The following ZSCAN1 variants were observed in gnomAD, a reference collection of about 807,000 sequenced individuals.
ZSCAN1 encodes the protein zinc finger and SCAN domain containing 1.
ZSCAN1 carries 23 observed loss-of-function variants against 23.8 expected under a neutral mutation model. The ratio of observed to expected loss-of-function variants is 0.97; its 90% CI spans 0.70 to 1.37. The LOEUF is 1.37. ZSCAN1 is among the 40% of genes most tolerant of loss of function. ZSCAN1 has a pLI of 0.00. For synonymous variants in ZSCAN1, 236 were observed against 232.3 expected (o/e 1.02, Z -0.15); for missense variants, 575 against 554.0 (o/e 1.04, Z -0.38).
rs867384405 is a variant in ZSCAN1 at position 58,053,857 on chromosome 19, G to A, written c.1033G>A (p.Glu345Lys). Reference sequence around the variant, plus strand: ...TGAGCATGGCAAGATCCACCTGCTGGAGCCACCGAGGAAGAAAGCCCCCCG... The same window carrying A: ...TGAGCATGGCAAGATCCACCTGCTGAAGCCACCGAGGAAGAAAGCCCCCCG... ...LTEHGKIHLL[E>K]PPRKKAPRSK... Residue 345 changes from glutamate to lysine, a missense_variant, in exon 6 of 6, where the codon GAG becomes AAG. Transcript: ENST00000282326. The surrounding 1 kb of genome is among the most constrained non-coding windows in gnomAD (Gnocchi z 5.8). The A allele has an allele frequency of 1.9e-6, 3 of 1,613,848 alleles. No homozygotes were observed. Among genetic ancestry groups the A allele is most frequent in the Middle Eastern group, 1.7e-4 (1 of 6,060 alleles).
At chr19:58,052,379 C>A in intron 4 of ZSCAN1, 111 bp from the exon 5 acceptor site, 1 of 1,555,690 alleles carries the variant, frequency 6.4e-7, no homozygotes. Flanking sequence ...CCGCGCACTG[C>A]CCTGGGACAG....
At chr19:58,050,011 G>T (rs574049879) in intron 4 of ZSCAN1, among the ~76,000 whole-genome samples, 43 of 151,908 alleles carry the variant, frequency 2.8e-4, no homozygotes, top group Non-Finnish European at 1.5e-4. Flanking sequence ...TAGTTGATTT[G>T]TGTGTGGGTA....
In ZSCAN1 at chr19:58,045,753, C is replaced by T; in HGVS notation, c.465+5209C>T. ...GCGTCAGGGAAAACCACCTGAGGGG[C>T]CAGCTGAAGCAGTGGCTGGACCTGC... On this transcript the variant is annotated intron_variant, in intron 4 of 5. Transcript: ENST00000282326. The surrounding 1 kb of genome is among the most constrained non-coding windows in gnomAD (Gnocchi z 4.3). 2 of 1,436,270 alleles carry T rather than the reference C, an allele frequency of 1.4e-6. No homozygotes were observed. The highest frequency in any genetic ancestry group is 2.0e-6 in the Non-Finnish European group (2 of 1,019,062). 89.0% of individuals were successfully genotyped at this position (1,436,270 alleles called of 1,614,324 possible). A position where few individuals can be genotyped will look rare whatever the true frequency, so the allele number is the denominator to read the frequency against.
chr19:58,039,274 T>C (rs1398910598), intron 3 of ZSCAN1, among the ~76,000 whole-genome samples: 1 of 152,208 alleles, frequency 6.6e-6, no homozygotes. Flanking sequence ...CACTGGCTTC[T>C]GGCGCTCTGT....
chr19:58,051,143 A>C (rs928971897), intron 4 of ZSCAN1, among the ~76,000 whole-genome samples: 2 of 151,946 alleles, frequency 1.3e-5, no homozygotes, highest in Non-Finnish European at 2.9e-5. Flanking sequence ...CATACATGCC[A>C]CCCACTCTTC....
chr19:58,042,071 C>T (rs1407662268), intron 4 of ZSCAN1, among the ~76,000 whole-genome samples: 1 of 152,142 alleles, frequency 6.6e-6, no homozygotes, highest in Non-Finnish European at 1.5e-5. Context: ...CCAGTATAGG[C>T]ACACCAGGGC....
intron 4 of ZSCAN1, among the ~76,000 whole-genome samples, chr19:58,041,955 G>T (rs369951898): frequency 2.0e-5 from 3 of 152,328 alleles, no homozygotes; most frequent in South Asian, 4.1e-4. Flanking sequence ...CGGATCACAA[G>T]TTCAGGAGTT....
At chr19:58,043,809 C>G (rs1046897521) in intron 4 of ZSCAN1, among the ~76,000 whole-genome samples, 31 of 152,104 alleles carry the variant, frequency 2.0e-4, no homozygotes. Flanking sequence ...ATTACCGCAC[C>G]GGCTAATTTT....
In ZSCAN1 at chr19:58,040,713, C is replaced by G. The variant is rs1294247418; in HGVS notation, c.465+169C>G. On this transcript the variant is annotated intron_variant, in intron 4 of 5. Coordinates refer to ENST00000282326, the MANE Select transcript of ZSCAN1 (RefSeq NM_182572.4). The surrounding 1 kb of genome is among the most constrained non-coding windows in gnomAD (Gnocchi z 5.8). ...CTGCCCCACAGATTCCCCAAGCTTCCTGGGGCTCAGTGCTGGGCGAGGGCA... is the reference window on the plus strand; with the variant it reads ...CTGCCCCACAGATTCCCCAAGCTTCGTGGGGCTCAGTGCTGGGCGAGGGCA... Among the ~76,000 whole-genome samples, 1 of 152,238 alleles carries G rather than the reference C, an allele frequency of 6.6e-6. No homozygotes were observed. Among genetic ancestry groups the G allele is most frequent in the African/African-American group, 2.4e-5 (1 of 41,460 alleles).
At chr19:58,041,155 C>T (rs1217798398) in intron 4 of ZSCAN1, among the ~76,000 whole-genome samples, 1 of 152,258 alleles carries the variant, frequency 6.6e-6, no homozygotes, top group Non-Finnish European at 1.5e-5. Flanking sequence ...ATGATCAGGG[C>T]TACTGAGTTT....
At position 58,045,197 on chromosome 19, in the gene ZSCAN1, C is replaced by G. The variant is rs992918587; in HGVS notation, c.465+4653C>G. 24 of 886,358 alleles carry G rather than the reference C, an allele frequency of 2.7e-5. No homozygotes were observed. Among genetic ancestry groups the G allele is most frequent in the African/African-American group, 2.3e-4 (14 of 60,920 alleles). The allele number at this position is 886,358 out of a possible 1,614,324, so 54.9% of individuals were successfully genotyped here. ...GCAGGCAGTTGCTCCGGTTCTGTGC[C>G]GACCTCTTCCGCCTGGTGCCGTTCC... On this transcript the variant is annotated intron_variant, in intron 4 of 5. Coordinates refer to ENST00000282326, the MANE Select transcript of ZSCAN1 (RefSeq NM_182572.4). This position sits in a 1 kb window ranked among gnomAD's most constrained non-coding sequence, Gnocchi z 4.3.
At chr19:58,052,244 G>C (rs1271861088) in intron 4 of ZSCAN1, among the ~76,000 whole-genome samples, 5 of 152,238 alleles carry the variant, frequency 3.3e-5, no homozygotes, top group Non-Finnish European at 5.9e-5. Flanking sequence ...GAGCTCTTTA[G>C]GAGTGGTTAT....
intron 1 of ZSCAN1, among the ~76,000 whole-genome samples, chr19:58,034,959 T>C (rs1033409828): frequency 2.0e-5 from 3 of 151,828 alleles, no homozygotes; most frequent in African/African-American, 4.8e-5. Context: ...ACGTCTTCTA[T>C]GTCACTAAGC....
rs769979733 is a variant in ZSCAN1, at chr19:58,054,103, G to A, written c.*52G>A. ...CGGCCCTGAGTCCCTGGGGGGAGCTGATGGGCCCCAGAAGATGGGGGACAT... is the reference window on the plus strand; with the variant it reads ...CGGCCCTGAGTCCCTGGGGGGAGCTAATGGGCCCCAGAAGATGGGGGACAT... On this transcript the variant is annotated 3_prime_UTR_variant, in exon 6 of 6. Transcript: ENST00000282326. This position sits in a 1 kb window ranked among gnomAD's most constrained non-coding sequence, Gnocchi z 4.2. 7 of 1,439,178 alleles carry A rather than the reference G, an allele frequency of 4.9e-6. No homozygotes were observed. The East Asian group carries it at 1.7e-4, about 36-fold the overall frequency. The allele number at this position is 1,439,178 out of a possible 1,614,324, so 89.2% of individuals were successfully genotyped here.
At chr19:58,052,984 G>C (rs1176984151) in intron 5 of ZSCAN1, among the ~76,000 whole-genome samples, 3 of 148,014 alleles carry the variant, frequency 2.0e-5, no homozygotes, top group African/African-American at 7.5e-5. Context: ...TTTCGAGACA[G>C]AGTCTTGCTC....
Position 58,044,520 on chromosome 19 carries a change from C to A in ZSCAN1, c.465+3976C>A, listed in dbSNP as rs867749913. 72 of 449,166 alleles carry A rather than the reference C, an allele frequency of 1.6e-4. No homozygotes were observed. In the Middle Eastern group the frequency reaches 4.4e-3, roughly 27 times the overall value. The allele number at this position is 449,166 out of a possible 1,614,324, so 27.8% of individuals were successfully genotyped here. A position where few individuals can be genotyped will look rare whatever the true frequency, so the allele number is the denominator to read the frequency against. On this transcript the variant is annotated intron_variant, in intron 4 of 5. Coordinates refer to ENST00000282326, the MANE Select transcript of ZSCAN1 (RefSeq NM_182572.4). ...GAGGAGCCACCGAGACGGCGAAGAG[C>A]CGCGGCCGCCGCGGAGAAGGAGGAG...
At position 58,054,296 on chromosome 19, in the gene ZSCAN1, A is replaced by T; in HGVS notation, c.*245A>T. On this transcript the variant is annotated 3_prime_UTR_variant, in exon 6 of 6. Transcript: ENST00000282326. The surrounding 1 kb of genome is among the most constrained non-coding windows in gnomAD (Gnocchi z 4.2). The stretch of plus-strand genomic sequence containing the variant: ...CAGCACAGCCTGGTCAGTCCTGCGC[A>T]CTATAGTTTTGCAAGTGGCTTGAAG... The T allele has an allele frequency of 2.2e-6, 1 of 444,816 alleles. No homozygotes were observed. The highest frequency in any genetic ancestry group is 3.9e-5 in the Admixed American group (1 of 25,936). The allele number at this position is 444,816 out of a possible 1,614,324, so 27.6% of individuals were successfully genotyped here.
rs2073878456 is a variant in ZSCAN1 at position 58,054,203 on chromosome 19, G to A, written c.*152G>A. 1.8e-6 allele frequency: 2 copies of A among 1,101,762 alleles called. No homozygotes were observed. The highest frequency in any genetic ancestry group is 1.2e-6 in the Non-Finnish European group (1 of 806,026). 68.2% of individuals were successfully genotyped at this position (1,101,762 alleles called of 1,614,324 possible). ...ACAAGCTGTTTCTCGGAAGACCCTG[G>A]ACACCTGCTCCGAAGCCAAGCACGG... On this transcript the variant is annotated 3_prime_UTR_variant, in exon 6 of 6. Coordinates refer to ENST00000282326, the MANE Select transcript of ZSCAN1 (RefSeq NM_182572.4). The surrounding 1 kb of genome is among the most constrained non-coding windows in gnomAD (Gnocchi z 4.2).
chr19:58,054,408 G>A lies in ZSCAN1; in HGVS notation c.*357G>A, dbSNP rs1376086434. 5.0e-6 allele frequency: 1 copy of A among 201,794 alleles called. No homozygotes were observed. Among genetic ancestry groups the A allele is most frequent in the Non-Finnish European group, 1.0e-5 (1 of 100,168 alleles). 12.5% of individuals were successfully genotyped at this position (201,794 alleles called of 1,614,324 possible). A position where few individuals can be genotyped will look rare whatever the true frequency, so the allele number is the denominator to read the frequency against. ...ACTCAGCGGCAGCTTCTGCCGCTGG[G>A]TTTTCATTTCACTGTGGATATCCCT... On this transcript the variant is annotated 3_prime_UTR_variant, in exon 6 of 6. Coordinates refer to ENST00000282326, the MANE Select transcript of ZSCAN1 (RefSeq NM_182572.4). The surrounding 1 kb of genome is among the most constrained non-coding windows in gnomAD (Gnocchi z 4.2).
Sources: gnomAD v4.1 joint callset for allele counts (sites outside exome capture counted in the v4.1 genomes callset) on GRCh38, gnomAD v4.1.1 for gene constraint, Gnocchi (gnomAD v3.1) non-coding constraint, MANE v1.5 for transcripts, NCBI Gene and HGNC (gene_info 2026-07-23, HGNC 2026-07-21) for gene names.